RPA3: variants seen among roughly 807,000 people sequenced by gnomAD.
RPA3 encodes replication protein A3.
In RPA3, 24 loss-of-function variants were observed where a neutral mutation model predicts 13.7. The observed-to-expected ratio is 1.75, with a 90% CI of 1.27 to 2.46. The LOEUF (loss-of-function observed/expected upper bound fraction) is 2.46. Among genes scored for constraint, RPA3 ranks in the 30% most tolerant of loss-of-function variants. The pLI is 0.00. For missense variants in RPA3, 183 were observed against 151.0 expected, an observed-to-expected ratio of 1.21 and a Z score of -1.11; for synonymous variants, 59 against 51.2, an observed-to-expected ratio of 1.15 and a Z score of -0.65.
At chr7:7,639,382 T>C (rs1784916743) in intron 5 of RPA3, among the ~76,000 whole-genome samples, 1 of 152,198 alleles carries the variant, frequency 6.6e-6, no homozygotes, top group Non-Finnish European at 1.5e-5. Context: ...GTTAAGTAGG[T>C]TCTGTATTTG....
At chr7:7,699,342 A>C (rs1780401411) in intron 2 of RPA3, among the ~76,000 whole-genome samples, 1 of 152,134 alleles carries the variant, frequency 6.6e-6, no homozygotes, top group Non-Finnish European at 1.5e-5. Context: ...TGCTTTAATC[A>C]CTCATAAACT....
intron 2 of RPA3, among the ~76,000 whole-genome samples, chr7:7,707,500 A>T (rs773630553): frequency 6.6e-6 from 1 of 152,180 alleles, no homozygotes. Flanking sequence ...TATGCTCTCA[A>T]ATTGCTTCAG....
intron 4 of RPA3, chr7:7,676,230 C>T (rs1779735281): frequency 2.5e-6 from 1 of 398,500 alleles, no homozygotes; most frequent in Non-Finnish European, 4.4e-6. Flanking sequence ...TTCCCAGTAC[C>T]ACTTAGCATA....
At chr7:7,710,867 A>G (rs1780741075) in intron 2 of RPA3, among the ~76,000 whole-genome samples, 1 of 152,226 alleles carries the variant, frequency 6.6e-6, no homozygotes, top group African/African-American at 2.4e-5. Context: ...AAGAAGTAAC[A>G]AACTGTTGAT....
At chr7:7,675,268 A>G (rs1779711144) in intron 4 of RPA3, among the ~76,000 whole-genome samples, 1 of 152,232 alleles carries the variant, frequency 6.6e-6, no homozygotes, top group Non-Finnish European at 1.5e-5. Context: ...TTGAAAGCAC[A>G]TAGAATTCCT....
At chr7:7,655,252 C>A (rs1245531308) in intron 4 of RPA3, among the ~76,000 whole-genome samples, 1 of 152,112 alleles carries the variant, frequency 6.6e-6, no homozygotes, top group East Asian at 1.9e-4. Flanking sequence ...GCCCCTTCCC[C>A]CAGTACTCTT....
At chr7:7,708,950 AGG>A (rs994959023) in intron 2 of RPA3, among the ~76,000 whole-genome samples, 2 of 151,778 alleles carry the variant, frequency 1.3e-5, no homozygotes, top group Middle Eastern at 3.2e-3. Flanking sequence ...AGAGAGAGAG[AGG>A]GAGAGAGAGA....
At chr7:7,672,113 A>T (rs1779620700) in intron 4 of RPA3, among the ~76,000 whole-genome samples, 1 of 151,978 alleles carries the variant, frequency 6.6e-6, no homozygotes, top group Non-Finnish European at 1.5e-5. Context: ...TTAAATCCTC[A>T]CCCTCCCTTC....
At chr7:7,717,384 C>A (rs982826649) in intron 1 of RPA3, among the ~76,000 whole-genome samples, 21 of 152,134 alleles carry the variant, frequency 1.4e-4, no homozygotes, top group Non-Finnish European at 2.1e-4. Flanking sequence ...ATTAAAACTC[C>A]ACTCTTAAAC....
chr7:7,694,156 G>A lies in RPA3; in HGVS notation c.-1027-6828C>T, dbSNP rs1027231804. 2.6e-5 allele frequency among the ~76,000 whole-genome samples: 4 copies of A among 152,230 alleles called. No individual in the cohort carries two copies. In the South Asian group the frequency reaches 6.2e-4, roughly 24 times the overall value. On this transcript the variant is annotated intron_variant, in intron 2 of 7. Transcript: ENST00000223129. ...GTCATATTTGAGCATTCCAAAGAAGGAATGAAGCATGTTTTCTTTTTCTCC... is the reference window on the plus strand; with the variant it reads ...GTCATATTTGAGCATTCCAAAGAAGAAATGAAGCATGTTTTCTTTTTCTCC...
chr7:7,673,911 A>G (rs1257086373), intron 4 of RPA3, among the ~76,000 whole-genome samples: 1 of 152,218 alleles, frequency 6.6e-6, no homozygotes, highest in Non-Finnish European at 1.5e-5. Flanking sequence ...ACTATTTTCT[A>G]TTATAAAATT....
intron 4 of RPA3, among the ~76,000 whole-genome samples, chr7:7,661,980 C>T (rs1032983877): frequency 6.6e-6 from 1 of 152,306 alleles, no homozygotes; most frequent in Non-Finnish European, 1.5e-5. Flanking sequence ...ACTGGGGCTG[C>T]TGCCTTTCTT....
intron 2 of RPA3, among the ~76,000 whole-genome samples, chr7:7,700,567 TAAAAA>T (rs2115152995): frequency 6.6e-6 from 1 of 151,756 alleles, no homozygotes; most frequent in South Asian, 2.1e-4. Context: ...CTCTACAAAA[TAAAAA>T]CAACAAACAA....
At chr7:7,677,664 G>GTTTTT (rs141602455) in intron 4 of RPA3, among the ~76,000 whole-genome samples, 1 of 113,500 alleles carries the variant, frequency 8.8e-6, no homozygotes, top group African/African-American at 3.6e-5. Flanking sequence ...CTGTTTTTTT[G>GTTTTT]TTTTTTTTTT....
chr7:7,689,268 G>T (rs1190253925), intron 2 of RPA3: 2 of 152,124 alleles, frequency 1.3e-5, no homozygotes, highest in African/African-American at 4.8e-5. Context: ...ACCTCTTCTC[G>T]TGGCAGTTAT....
chr7:7,689,263 T>G (rs1780115197), intron 2 of RPA3: 1 of 152,170 alleles, frequency 6.6e-6, no homozygotes, highest in Non-Finnish European at 1.5e-5. Context: ...CTGCCACCTC[T>G]TCTCGTGGCA....
intron 1 of RPA3, among the ~76,000 whole-genome samples, chr7:7,716,990 G>T (rs1185373337): frequency 6.6e-6 from 1 of 151,676 alleles, no homozygotes; most frequent in Non-Finnish European, 1.5e-5. Flanking sequence ...CCGGAAACCC[G>T]TTCGGGACCC....
chr7:7,649,969 T>G (rs1349362716), intron 4 of RPA3, among the ~76,000 whole-genome samples: 2 of 152,238 alleles, frequency 1.3e-5, no homozygotes, highest in African/African-American at 2.4e-5. Context: ...GGAGCTTTGA[T>G]CTTACACTTT....
chr7:7,637,766 T>C (rs1308259903), intron 7 of RPA3, 98 bp downstream of exon 7: 2 of 528,962 alleles, frequency 3.8e-6, no homozygotes, highest in African/African-American at 3.8e-5. Context: ...TTACATACAG[T>C]TATATAAAAC....
Sources: allele counts gnomAD v4.1 joint callset (sites outside exome capture counted in the v4.1 genomes callset), GRCh38; gene constraint gnomAD v4.1.1; transcripts MANE v1.5; gene names NCBI Gene and HGNC (gene_info 2026-07-23, HGNC 2026-07-21).